Variants in ZNF37A observed in about 807,000 individuals in gnomAD.
ZNF37A encodes the protein zinc finger protein 37a (KOX 21).
In ZNF37A, 10 loss-of-function variants were observed where a neutral mutation model predicts 12.3. The observed-to-expected ratio is 0.82, with a 90% CI of 0.50 to 1.38. The LOEUF (loss-of-function observed/expected upper bound fraction) is 1.38. Among genes scored for constraint, ZNF37A ranks in the 40% most tolerant of loss-of-function variants. The probability of loss-of-function intolerance (pLI) is 0.00; values close to 1 mark genes in which losing one functional copy is unlikely to be tolerated. For synonymous variants in ZNF37A, 207 were observed against 223.0 expected, an observed-to-expected ratio of 0.93 and a Z score of 0.64; for missense variants, 580 against 651.2, an observed-to-expected ratio of 0.89 and a Z score of 1.19.
At chr10:38,143,744 A>G (rs1485014215) in intron 7 of ZNF37A, 3 of 152,248 alleles carry the variant, frequency 2.0e-5, no homozygotes, top group Non-Finnish European at 4.4e-5. Context: ...ACCTTGGCCT[A>G]TGCTCCCTGG....
At chr10:38,145,016 A>C (rs898376786) in intron 7 of ZNF37A, among the ~76,000 whole-genome samples, 3 of 152,174 alleles carry the variant, frequency 2.0e-5, no homozygotes, top group African/African-American at 7.2e-5. Flanking sequence ...GGGAAATAGC[A>C]TATGGAGATT....
chr10:38,119,231 A>C lies in ZNF37A; in HGVS notation c.*394A>C. ...CACTTGGAGAAACCTTTTGGGTGTAATGAATGTGGGAAAACCTTTCATCAG... is the reference window on the plus strand; with the variant it reads ...CACTTGGAGAAACCTTTTGGGTGTACTGAATGTGGGAAAACCTTTCATCAG... On this transcript the variant is annotated 3_prime_UTR_variant, in exon 8 of 8. Coordinates refer to ENST00000685332, the MANE Select transcript of ZNF37A (RefSeq NM_001324250.3). The C allele has an allele frequency of 9.6e-7, 1 of 1,038,958 alleles. No homozygotes were observed. The highest frequency in any genetic ancestry group is 1.2e-6 in the Non-Finnish European group (1 of 852,308). 64.4% of individuals were successfully genotyped at this position (1,038,958 alleles called of 1,614,324 possible).
chr10:38,140,281 A>G (rs187115046), intron 7 of ZNF37A: 1 of 152,378 alleles, frequency 6.6e-6, no homozygotes, highest in African/African-American at 2.4e-5. Context: ...TTGACTGCAT[A>G]AGGTTTACAC....
At chr10:38,127,127 A>C (rs1184763907), downstream of ZNF37A, among the ~76,000 whole-genome samples, 3 of 152,280 alleles carry the variant, frequency 2.0e-5, no homozygotes, top group Middle Eastern at 6.8e-3. Context: ...ACCCCCAAAA[A>C]ATGTAAGATG....
chr10:38,137,346 T>G (rs2070120643), intron 7 of ZNF37A: 1 of 152,196 alleles, frequency 6.6e-6, no homozygotes, highest in African/African-American at 2.4e-5. Flanking sequence ...GGTAAAAACT[T>G]AAGGTCTTAT....
downstream of ZNF37A, among the ~76,000 whole-genome samples, chr10:38,126,151 G>C (rs1156666860): frequency 1.3e-5 from 2 of 152,172 alleles, no homozygotes; most frequent in African/African-American, 4.8e-5. Context: ...CAGTCTTAAA[G>C]GTTGAGAAAT....
intron 5 of ZNF37A, among the ~76,000 whole-genome samples, chr10:38,110,769 A>ATCTC: frequency 6.6e-6 from 1 of 152,236 alleles, no homozygotes; most frequent in African/African-American, 2.4e-5. Context: ...ATGCAAATCA[A>ATCTC]AACCACAATG....
downstream of ZNF37A, among the ~76,000 whole-genome samples, chr10:38,126,815 AC>A (rs1488120450): frequency 3.3e-5 from 5 of 151,784 alleles, no homozygotes; most frequent in African/African-American, 9.6e-5. Context: ...CCATAACTGC[AC>A]CCCAGGCCGA....
chr10:38,096,041 C>T (rs181838130), intron 4 of ZNF37A, among the ~76,000 whole-genome samples: 2 of 151,934 alleles, frequency 1.3e-5, no homozygotes, highest in Non-Finnish European at 2.9e-5. Context: ...AAAAAATTAG[C>T]CGGGTGTGGT....
At chr10:38,102,805 AAGGT>A (rs1213641813) in intron 5 of ZNF37A, among the ~76,000 whole-genome samples, 1 of 152,052 alleles carries the variant, frequency 6.6e-6, no homozygotes, top group Admixed American at 6.6e-5. Flanking sequence ...TCCTTTTTGA[AAGGT>A]AGTTTTGCCT....
intron 5 of ZNF37A, among the ~76,000 whole-genome samples, chr10:38,111,798 C>T (rs1239424700): frequency 6.6e-6 from 1 of 152,068 alleles, no homozygotes; most frequent in African/African-American, 2.4e-5. Flanking sequence ...TGGGAATGTC[C>T]TCATTATTGA....
chr10:38,125,499 T>C (rs1386812716), downstream of ZNF37A: 2 of 152,174 alleles, frequency 1.3e-5, no homozygotes, highest in Admixed American at 6.5e-5. Context: ...CCCTACTGCA[T>C]GGAGGGAGAG....
rs1255347951 is a variant in ZNF37A at position 38,117,165 on chromosome 10, A to AC, written c.239-225_239-224insC. 6 of 984,664 alleles carry AC rather than the reference A, an allele frequency of 6.1e-6. No individual in the cohort carries two copies. The African/African-American group carries it at 8.7e-5, about 14-fold the overall frequency. The allele number at this position is 984,664 out of a possible 1,614,324, so 61.0% of individuals were successfully genotyped here. On this transcript the variant is annotated intron_variant, in intron 7 of 7. Coordinates refer to ENST00000685332, the MANE Select transcript of ZNF37A (RefSeq NM_001324250.3). Reference sequence around the variant, plus strand: ...ACCAAGAACAACAAAACCACACAGAATTGGAGCCTGGATTATAGGACTATG... The same window carrying AC: ...ACCAAGAACAACAAAACCACACAGAACTTGGAGCCTGGATTATAGGACTATG...
chr10:38,144,908 G>C (rs2136086431), intron 7 of ZNF37A, among the ~76,000 whole-genome samples: 1 of 152,150 alleles, frequency 6.6e-6, no homozygotes, highest in Non-Finnish European at 1.5e-5. Flanking sequence ...AAGTCATCCG[G>C]ATTCTACAAC....
intron 7 of ZNF37A, among the ~76,000 whole-genome samples, chr10:38,137,135 GCTTC>G: frequency 6.6e-6 from 1 of 152,174 alleles, no homozygotes; most frequent in Admixed American, 6.5e-5. Context: ...ACTCATCCAG[GCTTC>G]CTTGGGTTTT....
At chr10:38,149,202 CAAT>C (rs1407186585) in exon 8 of ZNF37A, 1 of 152,170 alleles carries the variant, frequency 6.6e-6, no homozygotes, top group Non-Finnish European at 1.5e-5. Context: ...TCCCACTTCT[CAAT>C]AGGATGCAAC....
At chr10:38,139,582 G>T (rs936506170) in intron 7 of ZNF37A, 3 of 152,184 alleles carry the variant, frequency 2.0e-5, no homozygotes, top group Non-Finnish European at 4.4e-5. Context: ...TGGCCAGGAT[G>T]GTCTGGATCT....
rs2069888696 is a variant in ZNF37A at position 38,124,556 on chromosome 10, C to T, written c.*5719C>T. 1 of 151,642 alleles carries T rather than the reference C, an allele frequency of 6.6e-6. No individual in the cohort carries two copies. Among genetic ancestry groups the T allele is most frequent in the African/African-American group, 2.4e-5 (1 of 41,266 alleles). 9.4% of individuals were successfully genotyped at this position (151,642 alleles called of 1,614,324 possible). On this transcript the variant is annotated 3_prime_UTR_variant, in exon 8 of 8. Coordinates refer to ENST00000685332, the MANE Select transcript of ZNF37A (RefSeq NM_001324250.3). ...GCCTATATCAAAATATATCATGTAC[C>T]CCATAGATATATACACCTAGTATGT... is the stretch of plus-strand genomic sequence containing the variant.
rs2472178 is a variant in ZNF37A at position 38,095,822 on chromosome 10, T to C, written c.-45+18T>C. On this transcript the variant is annotated intron_variant, in intron 4 of 7. Transcript: ENST00000685332. ...ACAACAGAGTAAGTAAAAATCAGTTTGCTTTTTTAAATCCAAAGATTGTTT... is the reference window on the plus strand; with the variant it reads ...ACAACAGAGTAAGTAAAAATCAGTTCGCTTTTTTAAATCCAAAGATTGTTT... 0.44 allele frequency: 66,895 copies of C among 151,906 alleles called. 14,965 individuals carry two copies. The highest frequency in any genetic ancestry group is 0.55 in the East Asian group (2,814 of 5,162). 9.4% of individuals were successfully genotyped at this position (151,906 alleles called of 1,614,324 possible).
Sources: gnomAD v4.1 joint callset for allele counts (sites outside exome capture counted in the v4.1 genomes callset) on GRCh38, gnomAD v4.1.1 for gene constraint, MANE v1.5 for transcripts, NCBI Gene and HGNC (gene_info 2026-07-23, HGNC 2026-07-21) for gene names.